Variants in AAK1 observed in about 807,000 individuals in gnomAD.
AAK1 encodes the protein AP2 associated kinase 1.
In AAK1, 37 loss-of-function variants were observed where a neutral mutation model predicts 116.0. The observed-to-expected ratio is 0.32, with a 90% CI of 0.25 to 0.42. The LOEUF (loss-of-function observed/expected upper bound fraction) is 0.42. Ranked by LOEUF, AAK1 falls within the 10% of genes least tolerant of loss-of-function variation. The pLI, the probability that AAK1 is intolerant of heterozygous loss-of-function variation, is 1.00. For synonymous variants in AAK1, 458 were observed against 439.9 expected (o/e 1.04, Z -0.51); for missense variants, 919 against 1,170.6 (o/e 0.79, Z 3.14).
At chr2:69,579,847 C>G (rs935976899) in intron 2 of AAK1, among the ~76,000 whole-genome samples, 3 of 152,200 alleles carry the variant, frequency 2.0e-5, no homozygotes, top group African/African-American at 4.8e-5. Flanking sequence ...TGACAACTAT[C>G]TCCAGAGGTC....
intron 17 of AAK1, among the ~76,000 whole-genome samples, chr2:69,494,712 C>A (rs994200215): frequency 2.4e-4 from 37 of 152,146 alleles, no homozygotes; most frequent in African/African-American, 8.9e-4. Flanking sequence ...AGGAAAAAAG[C>A]GCCTCTATTT....
At chr2:69,535,164 C>T (rs1670410913) in intron 5 of AAK1, among the ~76,000 whole-genome samples, 1 of 152,214 alleles carries the variant, frequency 6.6e-6, no homozygotes, top group Admixed American at 6.5e-5. Context: ...TCAGTTTCTA[C>T]ACTTCTAATG....
In AAK1 at chr2:69,540,257, G is replaced by T. The variant is rs1266172695; in HGVS notation, c.534+2266C>A. Among the ~76,000 whole-genome samples, 22 of 152,092 alleles carry T rather than the reference G, an allele frequency of 1.4e-4. 1 individual carries two copies. The South Asian group carries it at 3.1e-3, about 22-fold the overall frequency. ...CTGCCTCAGCCGCCTAAGTAGCTGG[G>T]ATTACAGGTGCCAGCCACCACACCC... is the stretch of plus-strand genomic sequence containing the variant. On this transcript the variant is annotated intron_variant, in intron 5 of 21. Transcript: ENST00000409085.
rs114986354 is a variant in AAK1, at chr2:69,560,980, G to A, written c.164-4002C>T. 2.6e-3 allele frequency among the ~76,000 whole-genome samples: 388 copies of A among 150,386 alleles called. 2 individuals carry two copies. Among genetic ancestry groups the A allele is most frequent in the African/African-American group, 9.3e-3 (379 of 40,838 alleles). ...GGCCACCATGCAACTCCAGATCATT[G>A]TTGCCATGTGGGAATATGGACCTGG... is the stretch of plus-strand genomic sequence containing the variant. On this transcript the variant is annotated intron_variant, in intron 2 of 21. Transcript: ENST00000409085.
intron 2 of AAK1, among the ~76,000 whole-genome samples, chr2:69,627,407 A>G (rs1481432554): frequency 2.6e-5 from 4 of 152,164 alleles, no homozygotes; most frequent in Non-Finnish European, 5.9e-5. Flanking sequence ...CGGTGAAATA[A>G]AACAGGATTG....
intron 2 of AAK1, among the ~76,000 whole-genome samples, chr2:69,638,364 C>A (rs1675541435): frequency 6.6e-6 from 1 of 151,940 alleles, no homozygotes; most frequent in African/African-American, 2.4e-5. Context: ...AAGCTTCTAG[C>A]CTCTTATCAA....
intron 16 of AAK1, among the ~76,000 whole-genome samples, chr2:69,499,324 C>T (rs994911934): frequency 2.0e-5 from 3 of 152,194 alleles, no homozygotes; most frequent in African/African-American, 4.8e-5. Context: ...ACTTCTTGGA[C>T]CTTCAACCTT....
chr2:69,599,944 A>T (rs929748353), intron 2 of AAK1, among the ~76,000 whole-genome samples: 5 of 138,366 alleles, frequency 3.6e-5, no homozygotes, highest in African/African-American at 1.3e-4. Context: ...TATCCAGCTA[A>T]TTTTTTTTTT....
Position 69,467,224 on chromosome 2 carries a change from T to C in AAK1, c.*8645A>G. On this transcript the variant is annotated 3_prime_UTR_variant, in exon 22 of 22. Transcript: ENST00000409085. ...GAATTTTGTTTTCAGTCTTCTAAGT[T>C]CATAAAGATCTCCTCTGCTTAAATG... 1.0e-6 allele frequency: 1 copy of C among 985,384 alleles called. No individual in the cohort carries two copies. The highest frequency in any genetic ancestry group is 1.2e-6 in the Non-Finnish European group (1 of 829,932). The allele number at this position is 985,384 out of a possible 1,614,324, so 61.0% of individuals were successfully genotyped here.
chr2:69,596,152 A>T (rs1420407561), intron 2 of AAK1, among the ~76,000 whole-genome samples: 2 of 152,108 alleles, frequency 1.3e-5, no homozygotes, highest in Admixed American at 6.5e-5. Context: ...ATGCACAAGG[A>T]GATTAATGTT....
At chr2:69,578,465 C>T (rs1672404824) in intron 2 of AAK1, among the ~76,000 whole-genome samples, 1 of 152,182 alleles carries the variant, frequency 6.6e-6, no homozygotes. Flanking sequence ...CTGATCTATA[C>T]AGCACAGCTA....
At position 69,470,826 on chromosome 2, in the gene AAK1, T is replaced by A; in HGVS notation, c.*5043A>T. On this transcript the variant is annotated 3_prime_UTR_variant, in exon 22 of 22. Transcript: ENST00000409085. ...TGCCCAGGTACTTATTGTCACTCAATACTGTGATTAAATCCTTTCTGCAAA... is the reference window on the plus strand; with the variant it reads ...TGCCCAGGTACTTATTGTCACTCAAAACTGTGATTAAATCCTTTCTGCAAA... 6 of 985,878 alleles carry A rather than the reference T, an allele frequency of 6.1e-6. No homozygotes were observed. Among genetic ancestry groups the A allele is most frequent in the Non-Finnish European group, 7.2e-6 (6 of 829,930 alleles). 61.1% of individuals were successfully genotyped at this position (985,878 alleles called of 1,614,324 possible). A position where few individuals can be genotyped will look rare whatever the true frequency, so the allele number is the denominator to read the frequency against.
At chr2:69,580,657 C>G (rs994539154) in intron 2 of AAK1, among the ~76,000 whole-genome samples, 2 of 152,182 alleles carry the variant, frequency 1.3e-5, no homozygotes, top group Non-Finnish European at 2.9e-5. Context: ...ACCAACTTGT[C>G]TTTTTCACAT....
chr2:69,469,771 G>A lies in AAK1; in HGVS notation c.*6098C>T. Reference sequence around the variant, plus strand: ...ATTTTGGTTTCACACATAAAATTAAGCAAGAAGTCAAAACATACTTCTTTT... The same window carrying A: ...ATTTTGGTTTCACACATAAAATTAAACAAGAAGTCAAAACATACTTCTTTT... On this transcript the variant is annotated 3_prime_UTR_variant, in exon 22 of 22. Transcript: ENST00000409085. 1 of 985,448 alleles carries A rather than the reference G, an allele frequency of 1.0e-6. No homozygotes were observed. Among genetic ancestry groups the A allele is most frequent in the Non-Finnish European group, 1.2e-6 (1 of 829,934 alleles). The allele number at this position is 985,448 out of a possible 1,614,324, so 61.0% of individuals were successfully genotyped here.
intron 13 of AAK1, among the ~76,000 whole-genome samples, chr2:69,511,166 G>A (rs1015867427): frequency 2.6e-5 from 4 of 152,102 alleles, no homozygotes; most frequent in Admixed American, 2.6e-4. Context: ...TAGAGTTGCT[G>A]CTCCATGCTG....
At position 69,465,230 on chromosome 2, in the gene AAK1, A is replaced by T; in HGVS notation, c.*10639T>A. Reference sequence around the variant, plus strand: ...TAAACAAACAAACAAACAAACAAAAATGAACATAACTTAAAGGGGCTTCAA... The same window carrying T: ...TAAACAAACAAACAAACAAACAAAATTGAACATAACTTAAAGGGGCTTCAA... On this transcript the variant is annotated 3_prime_UTR_variant, in exon 22 of 22. Transcript: ENST00000409085. The T allele has an allele frequency of 2.6e-6, 1 of 388,260 alleles. No homozygotes were observed. Among genetic ancestry groups the T allele is most frequent in the Non-Finnish European group, 4.3e-6 (1 of 230,958 alleles). The allele number at this position is 388,260 out of a possible 1,614,324, so 24.1% of individuals were successfully genotyped here. A position where few individuals can be genotyped will look rare whatever the true frequency, so the allele number is the denominator to read the frequency against.
At chr2:69,592,719 C>T (rs2105174372) in intron 2 of AAK1, among the ~76,000 whole-genome samples, 1 of 152,246 alleles carries the variant, frequency 6.6e-6, no homozygotes, top group Non-Finnish European at 1.5e-5. Flanking sequence ...AAGTTCTACC[C>T]TGAGATTCAC....
chr2:69,560,171 TCTAA>T (rs1170334166), intron 2 of AAK1, among the ~76,000 whole-genome samples: 1 of 152,230 alleles, frequency 6.6e-6, no homozygotes, highest in Non-Finnish European at 1.5e-5. Flanking sequence ...GACTTGTCAG[TCTAA>T]AGATGTTGGT....
chr2:69,556,194 A>C (rs1429740843), intron 3 of AAK1, among the ~76,000 whole-genome samples: 1 of 152,164 alleles, frequency 6.6e-6, no homozygotes, highest in African/African-American at 2.4e-5. Context: ...ATCTAAAACA[A>C]CACACAGAAC....
Sources: gnomAD v4.1 joint callset for allele counts (sites outside exome capture counted in the v4.1 genomes callset) on GRCh38, gnomAD v4.1.1 for gene constraint, MANE v1.5 for transcripts, NCBI Gene and HGNC (gene_info 2026-07-23, HGNC 2026-07-21) for gene names.